TMC1: variants seen among roughly 807,000 people sequenced by gnomAD.
The protein encoded by TMC1 is transmembrane channel like 1.
TMC1 carries 84 observed loss-of-function variants against 105.8 expected under a neutral mutation model. That is an observed-to-expected ratio of 0.79 (90% confidence interval 0.67 to 0.95). The LOEUF (loss-of-function observed/expected upper bound fraction) is 0.95. Among genes scored for constraint, TMC1 ranks in the 40% least tolerant of loss-of-function variants. The probability of loss-of-function intolerance (pLI) is 0.00; values close to 1 mark genes in which losing one functional copy is unlikely to be tolerated. For missense variants in TMC1, 817 were observed against 914.1 expected, an observed-to-expected ratio of 0.89 and a Z score of 1.37; for synonymous variants, 315 against 311.5, an observed-to-expected ratio of 1.01 and a Z score of -0.12.
intron 7 of TMC1, among the ~76,000 whole-genome samples, chr9:72,700,148 G>A (rs1234037541): frequency 4.6e-5 from 7 of 151,200 alleles, no homozygotes; most frequent in Admixed American, 4.0e-4. Flanking sequence ...CCAGCTACTC[G>A]GGAGGCTGAG....
At chr9:72,522,255 T>C (rs1441330397) in intron 1 of TMC1, among the ~76,000 whole-genome samples, 1 of 150,396 alleles carries the variant, frequency 6.6e-6, no homozygotes, top group East Asian at 1.9e-4. Flanking sequence ...GCGCCCGCCA[T>C]CACGCCCGGC....
chr9:72,758,463 G>A (rs535159842), intron 12 of TMC1, among the ~76,000 whole-genome samples: 1 of 152,330 alleles, frequency 6.6e-6, no homozygotes, highest in South Asian at 2.1e-4. Flanking sequence ...AAGCCAAGTA[G>A]TCACTGGTAA....
intron 4 of TMC1, among the ~76,000 whole-genome samples, chr9:72,637,925 A>G (rs963850224): frequency 3.9e-5 from 6 of 152,250 alleles, no homozygotes; most frequent in African/African-American, 1.4e-4. Context: ...CTAGTTTAGC[A>G]CATAAGTGGT....
rs779595582 is a variant in TMC1 at position 72,820,917 on chromosome 9, C to G, written c.1839C>G (p.Cys613Trp). The change falls in exon 20 of 24, where the codon TGC becomes TGG. Residue 613 changes from cysteine to tryptophan, a missense_variant. Cys to Trp is a radical substitution (Grantham distance 215, BLOSUM62 -2). Coordinates refer to ENST00000297784, the MANE Select transcript of TMC1 (RefSeq NM_138691.3). ...LRLHTSMYFQCWAVMCCNVPE... is the reference protein window; with the variant it reads ...LRLHTSMYFQWWAVMCCNVPE... ...TCCATACATCCATGTACTTCCAGTG[C>G]TGGGCCGTTATGTGCTGCAATGTTC... 1 of 1,614,130 alleles carries G rather than the reference C, an allele frequency of 6.2e-7. No homozygotes were observed. The highest frequency in any genetic ancestry group is 8.5e-7 in the Non-Finnish European group (1 of 1,180,010).
chr9:72,631,846 T>G (rs538539759), intron 4 of TMC1, among the ~76,000 whole-genome samples: 31 of 152,326 alleles, frequency 2.0e-4, no homozygotes, highest in African/African-American at 7.0e-4. Flanking sequence ...AAGATGGGAT[T>G]GTTATGAAAC....
intron 5 of TMC1, among the ~76,000 whole-genome samples, chr9:72,656,467 GTTTGA>G (rs1243313681): frequency 6.6e-6 from 1 of 151,988 alleles, no homozygotes; most frequent in East Asian, 1.9e-4. Context: ...TATCTGCAGA[GTTTGA>G]TTTGTATTTG....
chr9:72,762,360 C>T (rs1177673820), intron 12 of TMC1, among the ~76,000 whole-genome samples: 1 of 152,162 alleles, frequency 6.6e-6, no homozygotes, highest in Non-Finnish European at 1.5e-5. Context: ...GGCTCTCTCT[C>T]AAAGGAGAGC....
At position 72,724,319 on chromosome 9, in the gene TMC1, C is replaced by T. The variant is rs145709609; in HGVS notation, c.363-15800C>T. 7.9e-5 allele frequency among the ~76,000 whole-genome samples: 12 copies of T among 152,200 alleles called. No individual in the cohort carries two copies. In the East Asian group the frequency reaches 1.7e-3, roughly 22 times the overall value. ...GAAGGCATCACATGGTGAGCAAGGA[C>T]GAGAGACAGGGAGAAATGGGGCTGT... On this transcript the variant is annotated intron_variant, in intron 8 of 23. Coordinates refer to ENST00000297784, the MANE Select transcript of TMC1 (RefSeq NM_138691.3).
At chr9:72,678,653 A>G (rs1016766698) in intron 5 of TMC1, among the ~76,000 whole-genome samples, 9 of 152,040 alleles carry the variant, frequency 5.9e-5, no homozygotes, top group African/African-American at 2.2e-4. Context: ...CAGTATGTAT[A>G]TATATATTCT....
intron 12 of TMC1, among the ~76,000 whole-genome samples, chr9:72,756,158 C>T (rs1172456995): frequency 6.6e-6 from 1 of 152,194 alleles, no homozygotes. Context: ...GTCAGTTGGA[C>T]TTTCCATTTC....
rs2132111117 is a variant in TMC1, at chr9:72,599,369, C to G, written c.-305-16999C>G. On this transcript the variant is annotated intron_variant, in intron 2 of 23. Coordinates refer to ENST00000297784, the MANE Select transcript of TMC1 (RefSeq NM_138691.3). ...TTGTTGATAAAGACATTTGGATTTC[C>G]CTGCATTAGGCAGATGTGGAAGAAG... 1.3e-5 allele frequency among the ~76,000 whole-genome samples: 2 copies of G among 152,234 alleles called. 1 individual carries two copies. Among genetic ancestry groups the G allele is most frequent in the Middle Eastern group, 6.8e-3 (2 of 294 alleles).
intron 1 of TMC1, among the ~76,000 whole-genome samples, chr9:72,526,838 C>T (rs1298082674): frequency 6.6e-6 from 1 of 152,200 alleles, no homozygotes; most frequent in East Asian, 1.9e-4. Context: ...GCTCAACACT[C>T]AAGTCCACCA....
chr9:72,740,139 G>C lies in TMC1; in HGVS notation c.383G>C (p.Ser128Thr). 1 of 1,613,636 alleles carries C rather than the reference G, an allele frequency of 6.2e-7. No homozygotes were observed. Among genetic ancestry groups the C allele is most frequent in the Non-Finnish European group, 8.5e-7 (1 of 1,179,712 alleles). Residue 128 changes from serine to threonine, a missense_variant, in exon 9 of 24, where the codon AGT becomes ACT. Coordinates refer to ENST00000297784, the MANE Select transcript of TMC1 (RefSeq NM_138691.3). Reference protein sequence around the residue: ...EVLKEAKKFVSENEGALGKGK... With the variant: ...EVLKEAKKFVTENEGALGKGK... The stretch of plus-strand genomic sequence containing the variant: ...CTCAGGGAGGCAAAAAAATTTGTGA[G>C]TGAAAATGAAGGGGCTCTTGGGAAA...
intron 5 of TMC1, among the ~76,000 whole-genome samples, chr9:72,650,532 A>G (rs1266844193): frequency 2.6e-5 from 4 of 151,966 alleles, no homozygotes; most frequent in African/African-American, 9.7e-5. Flanking sequence ...GGGAGTACGT[A>G]TGAAAGTTTG....
chr9:72,786,361 G>A (rs915462134), intron 13 of TMC1, among the ~76,000 whole-genome samples: 1 of 152,078 alleles, frequency 6.6e-6, no homozygotes, highest in African/African-American at 2.4e-5. Flanking sequence ...GGAGAATGGC[G>A]TGATCCCGGG....
intron 14 of TMC1, 47 bp from the exon 15 acceptor site, chr9:72,789,076 T>G: frequency 1.9e-6 from 3 of 1,564,504 alleles, no homozygotes; most frequent in Non-Finnish European, 2.6e-6. Context: ...GTAGCTAAGA[T>G]ATTCTATTTT....
At chr9:72,671,511 A>G (rs907524930) in intron 5 of TMC1, among the ~76,000 whole-genome samples, 1 of 152,218 alleles carries the variant, frequency 6.6e-6, no homozygotes, top group African/African-American at 2.4e-5. Flanking sequence ...AGTTGTACAT[A>G]ATATACCATA....
At chr9:72,531,856 C>T (rs184537172) in intron 1 of TMC1, among the ~76,000 whole-genome samples, 3 of 152,242 alleles carry the variant, frequency 2.0e-5, no homozygotes, top group East Asian at 3.9e-4. Context: ...TCTGAATTCC[C>T]ATTTTTTCCT....
chr9:72,669,043 G>A (rs904410884), intron 5 of TMC1, among the ~76,000 whole-genome samples: 2 of 152,142 alleles, frequency 1.3e-5, no homozygotes, highest in Non-Finnish European at 2.9e-5. Flanking sequence ...AGTGGCTCAC[G>A]CTTGTAATCC....
Sources: gnomAD v4.1 joint callset for allele counts (sites outside exome capture counted in the v4.1 genomes callset) on GRCh38, gnomAD v4.1.1 for gene constraint, MANE v1.5 for transcripts, NCBI Gene and HGNC (gene_info 2026-07-23, HGNC 2026-07-21) for gene names.